The following PLD5 variants were observed in gnomAD, a reference collection of about 807,000 sequenced individuals.
PLD5 encodes the protein phospholipase D family member 5.
Under a neutral mutation model 61.1 loss-of-function variants are expected in PLD5, and 36 were observed. The ratio of observed to expected loss-of-function variants is 0.59; its 90% CI spans 0.45 to 0.78. The LOEUF is 0.78. Ranked by LOEUF, PLD5 falls within the 30% of genes least tolerant of loss-of-function variation. The probability of loss-of-function intolerance (pLI) is 0.00; values close to 1 mark genes in which losing one functional copy is unlikely to be tolerated. For synonymous variants in PLD5, 243 were observed against 242.8 expected, an observed-to-expected ratio of 1.00 and a Z score of -0.01; for missense variants, 515 against 644.4, an observed-to-expected ratio of 0.80 and a Z score of 2.17.
At chr1:242,107,504 C>CTCT (rs67662777) in intron 8 of PLD5, among the ~76,000 whole-genome samples, 167 bp downstream of exon 8, 1 of 5,456 alleles carries the variant, frequency 1.8e-4, no homozygotes, top group African/African-American at 4.1e-4. Context: ...GAGCTCTACT[C>CTCT]TTTTTTTCGT....
chr1:242,137,323 T>C (rs1663812611), intron 5 of PLD5, among the ~76,000 whole-genome samples: 1 of 152,166 alleles, frequency 6.6e-6, no homozygotes, highest in Non-Finnish European at 1.5e-5. Context: ...GCTCAGCTCT[T>C]CTCTTGCTGG....
At chr1:242,097,446 C>G (rs1019845910) in intron 9 of PLD5, among the ~76,000 whole-genome samples, 40 of 152,324 alleles carry the variant, frequency 2.6e-4, no homozygotes, top group African/African-American at 9.4e-4. Flanking sequence ...GCCATTCTAA[C>G]TGGGGTGAGA....
intron 4 of PLD5, among the ~76,000 whole-genome samples, chr1:242,259,365 C>T (rs1385613396): frequency 1.3e-5 from 2 of 152,004 alleles, no homozygotes; most frequent in Admixed American, 6.6e-5. Context: ...TGAAAAAGAG[C>T]TTGTAAATTG....
intron 1 of PLD5, among the ~76,000 whole-genome samples, chr1:242,492,332 T>G (rs1220219400): frequency 6.6e-6 from 1 of 151,670 alleles, no homozygotes; most frequent in Non-Finnish European, 1.5e-5. Context: ...GCCAACATAG[T>G]GAAACCCTGT....
At position 242,212,448 on chromosome 1, in the gene PLD5, C is replaced by T. The variant is rs1415609682; in HGVS notation, c.735+7540G>A. Among the ~76,000 whole-genome samples the T allele has an allele frequency of 3.9e-5, 6 of 152,358 alleles. No individual in the cohort carries two copies. The East Asian group carries it at 1.2e-3, about 29-fold the overall frequency. On this transcript the variant is annotated intron_variant, in intron 5 of 9. Coordinates refer to ENST00000536534, the MANE Select transcript of PLD5 (RefSeq NM_001372062.1). Reference sequence around the variant, plus strand: ...GTGGGCAGAAGGAAAGGCTCAGCAGCAGGGAGGCTTGCAGACCTGGAGCCA... The same window carrying T: ...GTGGGCAGAAGGAAAGGCTCAGCAGTAGGGAGGCTTGCAGACCTGGAGCCA...
intron 2 of PLD5, among the ~76,000 whole-genome samples, chr1:242,319,136 C>A (rs368458937): frequency 6.6e-6 from 1 of 152,024 alleles, no homozygotes. Context: ...TATCATGGAC[C>A]AGCAAAATTA....
intron 2 of PLD5, among the ~76,000 whole-genome samples, chr1:242,322,080 C>T (rs1245970718): frequency 6.6e-6 from 1 of 152,154 alleles, no homozygotes; most frequent in Non-Finnish European, 1.5e-5. Context: ...AAGCCACGAG[C>T]CCTTGGTTAC....
At chr1:242,154,194 T>C (rs1665161986) in intron 5 of PLD5, among the ~76,000 whole-genome samples, 1 of 152,210 alleles carries the variant, frequency 6.6e-6, no homozygotes, top group African/African-American at 2.4e-5. Context: ...ACATTAATTT[T>C]GTATCCTGAG....
At chr1:242,402,905 GAAGT>G in intron 1 of PLD5, among the ~76,000 whole-genome samples, 1 of 152,150 alleles carries the variant, frequency 6.6e-6, no homozygotes, top group East Asian at 1.9e-4. Context: ...CTAGAAGCTA[GAAGT>G]AATTTACTGC....
chr1:242,250,420 C>G (rs772170703), intron 4 of PLD5, among the ~76,000 whole-genome samples: 3 of 152,222 alleles, frequency 2.0e-5, no homozygotes, highest in African/African-American at 7.2e-5. Flanking sequence ...GAAGGGCAGA[C>G]GGCTCAGCTT....
chr1:242,301,694 C>T (rs1428060161), intron 2 of PLD5, among the ~76,000 whole-genome samples: 10 of 151,954 alleles, frequency 6.6e-5, no homozygotes, highest in South Asian at 2.1e-4. Flanking sequence ...ATGATGGTCC[C>T]ATAAGACTGC....
At chr1:242,506,561 C>A (rs539828132) in intron 1 of PLD5, among the ~76,000 whole-genome samples, 1 of 152,182 alleles carries the variant, frequency 6.6e-6, no homozygotes, top group African/African-American at 2.4e-5. Flanking sequence ...AGGATGTAAC[C>A]CAGGCACTGG....
intron 2 of PLD5, among the ~76,000 whole-genome samples, chr1:242,300,153 T>C (rs1489643616): frequency 3.9e-5 from 6 of 152,150 alleles, no homozygotes; most frequent in Non-Finnish European, 7.3e-5. Context: ...ACCAAGAAGA[T>C]ATCAGCCAGG....
intron 5 of PLD5, among the ~76,000 whole-genome samples, chr1:242,207,834 T>A (rs1177728303): frequency 2.2e-5 from 1 of 45,858 alleles, no homozygotes; most frequent in African/African-American, 9.5e-5. Context: ...TTATATATAT[T>A]TATATATTTA....
At chr1:242,475,288 TG>T (rs1411928336) in intron 1 of PLD5, among the ~76,000 whole-genome samples, 3 of 151,644 alleles carry the variant, frequency 2.0e-5, no homozygotes, top group Non-Finnish European at 4.4e-5. Flanking sequence ...CTGGGCGCGG[TG>T]GCGGGCGCCT....
intron 5 of PLD5, among the ~76,000 whole-genome samples, chr1:242,163,484 C>T (rs1434308244): frequency 6.6e-6 from 1 of 152,070 alleles, no homozygotes; most frequent in Non-Finnish European, 1.5e-5. Flanking sequence ...GAGAGAAATC[C>T]TGTGTGGATT....
At chr1:242,374,388 C>G (rs1168796952) in intron 1 of PLD5, among the ~76,000 whole-genome samples, 3 of 152,158 alleles carry the variant, frequency 2.0e-5, no homozygotes, top group African/African-American at 4.8e-5. Context: ...TCCTTCATCA[C>G]CAAGGTTTTC....
chr1:242,394,420 ATGTG>A lies in PLD5; in HGVS notation c.190-46182_190-46179del, dbSNP rs1224212297. ...TATATGTGTGTATATATGAGTATAT[ATGTG>A]TGTATATGAGTATATATGTGTGTAT... is the stretch of plus-strand genomic sequence containing the variant. On this transcript the variant is annotated intron_variant, in intron 1 of 9. Transcript: ENST00000536534. 8.4e-5 allele frequency among the ~76,000 whole-genome samples: 9 copies of A among 107,672 alleles called. 2 individuals carry two copies. Among genetic ancestry groups the A allele is most frequent in the African/African-American group, 3.5e-4 (9 of 26,040 alleles). 70.6% of individuals were successfully genotyped at this position (107,672 alleles called of 152,430 possible). A position where few individuals can be genotyped will look rare whatever the true frequency, so the allele number is the denominator to read the frequency against.
chr1:242,404,419 G>A (rs1420724046), intron 1 of PLD5, among the ~76,000 whole-genome samples: 1 of 152,224 alleles, frequency 6.6e-6, no homozygotes, highest in African/African-American at 2.4e-5. Flanking sequence ...ATCATTTTCA[G>A]TTCTCATCAA....
Sources: gnomAD v4.1 joint callset for allele counts (sites outside exome capture counted in the v4.1 genomes callset) on GRCh38, gnomAD v4.1.1 for gene constraint, MANE v1.5 for transcripts, NCBI Gene and HGNC (gene_info 2026-07-23, HGNC 2026-07-21) for gene names.